The following CWC27 variants were observed in gnomAD, a reference collection of about 807,000 sequenced individuals.
CWC27 encodes CWC27 spliceosome associated cyclophilin.
CWC27 carries 47 observed loss-of-function variants against 63.6 expected under a neutral mutation model. The ratio of observed to expected loss-of-function variants is 0.74; its 90% CI spans 0.58 to 0.94. The LOEUF is 0.94. CWC27 is among the 40% of genes least tolerant of loss of function. The probability of loss-of-function intolerance (pLI) is 0.00; values close to 1 mark genes in which losing one functional copy is unlikely to be tolerated. For synonymous variants in CWC27, 175 were observed against 179.8 expected (o/e 0.97, Z 0.22); for missense variants, 495 against 554.3 (o/e 0.89, Z 1.07).
chr5:64,796,744 C>T, intron 7 of CWC27, among the ~76,000 whole-genome samples: 1 of 86,152 alleles, frequency 1.2e-5, no homozygotes, highest in Non-Finnish European at 2.5e-5. Flanking sequence ...GTCCCTTCCT[C>T]CTCCCTCCCT....
intron 10 of CWC27, among the ~76,000 whole-genome samples, chr5:64,813,414 A>G (rs1744942846): frequency 1.3e-5 from 2 of 152,190 alleles, no homozygotes; most frequent in Admixed American, 1.3e-4. Context: ...CTTGAACTTC[A>G]GCTATGTATA....
At chr5:64,915,375 G>A (rs1747870720) in intron 11 of CWC27, among the ~76,000 whole-genome samples, 1 of 152,290 alleles carries the variant, frequency 6.6e-6, no homozygotes, top group South Asian at 2.1e-4. Flanking sequence ...TTATAGGGAA[G>A]AGAGAGGTTA....
intron 11 of CWC27, among the ~76,000 whole-genome samples, chr5:64,905,676 A>G (rs1747620508): frequency 6.6e-6 from 1 of 151,998 alleles, no homozygotes; most frequent in Non-Finnish European, 1.5e-5. Flanking sequence ...GTAGCACTGA[A>G]ATTCTTTATA....
rs145196588 is a variant in CWC27 at position 64,790,989 on chromosome 5, G to A, written c.669+1969G>A. On this transcript the variant is annotated intron_variant, in intron 7 of 13. Transcript: ENST00000381070. Reference sequence around the variant, plus strand: ...AGTCTCTCATATGATTATGAATGCTGTAGAAGCTGTCTCCTTCAAGCCCAA... The same window carrying A: ...AGTCTCTCATATGATTATGAATGCTATAGAAGCTGTCTCCTTCAAGCCCAA... Among the ~76,000 whole-genome samples the A allele has an allele frequency of 7.6e-3, 1,153 of 152,180 alleles. 11 individuals carry two copies. Among genetic ancestry groups the A allele is most frequent in the African/African-American group, 0.015 (616 of 41,524 alleles).
intron 10 of CWC27, among the ~76,000 whole-genome samples, chr5:64,845,716 A>G (rs1745959640): frequency 6.6e-6 from 1 of 152,188 alleles, no homozygotes; most frequent in Admixed American, 6.5e-5. Context: ...AAAAAGAATG[A>G]AGAAAGCTTA....
At chr5:64,885,738 T>TGTGTGTGTGTGTGTGTGTGTGTG (rs60595588) in intron 11 of CWC27, among the ~76,000 whole-genome samples, 192 bp downstream of exon 11, 2 of 141,392 alleles carry the variant, frequency 1.4e-5, no homozygotes, top group African/African-American at 3.0e-5. Context: ...TGTGTGTGTG[T>TGTGTGTGTGTGTGTGTGTGTGTG]TTTTAATACT....
chr5:64,892,692 A>T (rs933031028), intron 11 of CWC27, among the ~76,000 whole-genome samples: 6 of 152,238 alleles, frequency 3.9e-5, no homozygotes, highest in African/African-American at 1.4e-4. Flanking sequence ...ATCTTACATC[A>T]CACAACGTGA....
intron 11 of CWC27, among the ~76,000 whole-genome samples, chr5:64,911,468 T>C (rs1015118325): frequency 1.3e-5 from 2 of 152,178 alleles, no homozygotes; most frequent in African/African-American, 4.8e-5. Context: ...TGGATAAATA[T>C]TTAAAATCCT....
chr5:64,922,793 T>G (rs1748022357), intron 11 of CWC27, among the ~76,000 whole-genome samples: 1 of 152,162 alleles, frequency 6.6e-6, no homozygotes, highest in Non-Finnish European at 1.5e-5. Context: ...GGATAGAGCT[T>G]TTTATTTTTA....
chr5:64,961,016 C>T (rs1342439446), intron 11 of CWC27, among the ~76,000 whole-genome samples: 2 of 151,976 alleles, frequency 1.3e-5, no homozygotes, highest in Non-Finnish European at 2.9e-5. Flanking sequence ...AGTATAAGCT[C>T]TTTTAATCTA....
chr5:64,795,462 C>A (rs1744232028), intron 7 of CWC27, among the ~76,000 whole-genome samples: 1 of 152,170 alleles, frequency 6.6e-6, no homozygotes. Flanking sequence ...ATAGGTTTCA[C>A]TGGGCTAAAT....
At chr5:64,859,732 G>A (rs1272506515) in intron 10 of CWC27, among the ~76,000 whole-genome samples, 1 of 152,134 alleles carries the variant, frequency 6.6e-6, no homozygotes, top group Non-Finnish European at 1.5e-5. Context: ...CATTCTAGAA[G>A]CAGAATCAGA....
intron 13 of CWC27, among the ~76,000 whole-genome samples, chr5:65,002,667 AT>A (rs576503159): frequency 6.6e-6 from 1 of 151,142 alleles, no homozygotes; most frequent in Non-Finnish European, 1.5e-5. Context: ...TATGATTTTG[AT>A]TTTTTTTTAA....
chr5:64,831,989 T>C (rs956783994), intron 10 of CWC27, among the ~76,000 whole-genome samples: 1 of 151,940 alleles, frequency 6.6e-6, no homozygotes. Context: ...GACTATTTAA[T>C]AGCACATATA....
intron 11 of CWC27, among the ~76,000 whole-genome samples, chr5:64,935,078 C>A (rs778662932): frequency 6.6e-5 from 10 of 152,172 alleles, no homozygotes; most frequent in Non-Finnish European, 1.5e-4. Context: ...ATGGTAGTTT[C>A]TTTTGCTGTG....
chr5:64,770,670 C>T (rs184467851), intron 1 of CWC27, among the ~76,000 whole-genome samples: 8 of 152,234 alleles, frequency 5.3e-5, no homozygotes, highest in Non-Finnish European at 8.8e-5. Context: ...AGGGCAGAGA[C>T]AAGCATCTGG....
intron 11 of CWC27, among the ~76,000 whole-genome samples, chr5:64,903,832 T>C (rs1310749459): frequency 1.3e-5 from 2 of 152,212 alleles, no homozygotes; most frequent in African/African-American, 4.8e-5. Flanking sequence ...CGTGCATTAA[T>C]TTTTTTGTGA....
intron 10 of CWC27, chr5:64,808,031 T>C: frequency 7.4e-7 from 1 of 1,352,928 alleles, no homozygotes; most frequent in Non-Finnish European, 9.5e-7. Context: ...CTTCCTGCTC[T>C]GGAGATTTTT....
At chr5:64,823,149 T>A (rs757118204) in intron 10 of CWC27, among the ~76,000 whole-genome samples, 6 of 152,220 alleles carry the variant, frequency 3.9e-5, no homozygotes, top group African/African-American at 1.4e-4. Flanking sequence ...ATTTCAGTGG[T>A]GTTTTGATAA....
Sources: allele counts gnomAD v4.1 joint callset (sites outside exome capture counted in the v4.1 genomes callset), GRCh38; gene constraint gnomAD v4.1.1; transcripts MANE v1.5; gene names NCBI Gene and HGNC (gene_info 2026-07-23, HGNC 2026-07-21).